The following FAM222B variants were observed in gnomAD, a reference collection of about 807,000 sequenced individuals.
The protein encoded by FAM222B is family with sequence similarity 222 member B.
Under a neutral mutation model 38.0 loss-of-function variants are expected in FAM222B, and 12 were observed. That is an observed-to-expected ratio of 0.32 (90% CI 0.20 to 0.51). The LOEUF is 0.51. Ranked by LOEUF, FAM222B falls within the 20% of genes least tolerant of loss-of-function variation. The pLI is 0.97. For missense variants in FAM222B, 716 were observed against 754.2 expected (o/e 0.95, Z 0.59); for synonymous variants, 329 against 317.2 (o/e 1.04, Z -0.40).
intron 1 of FAM222B, among the ~76,000 whole-genome samples, chr17:28,801,451 C>CAAAAA (rs766189732): frequency 5.1e-4 from 45 of 88,660 alleles, no homozygotes; most frequent in East Asian, 1.1e-3. Context: ...GACTCCGTCT[C>CAAAAA]AAAAAAAAAA....
rs562206636 is a variant in FAM222B at position 28,772,091 on chromosome 17, G to GA, written c.-40-5385dup. Among the ~76,000 whole-genome samples the GA allele has an allele frequency of 1.7e-4, 26 of 152,052 alleles. 1 individual carries two copies. In the South Asian group the frequency reaches 3.3e-3, roughly 19 times the overall value. ...ATAATAATAATTTTAAAATAAGGGG[G>GA]AAAAAATCACTGATAAACCAAAAAC... On this transcript the variant is annotated intron_variant, in intron 1 of 2. Coordinates refer to ENST00000581407, the MANE Select transcript of FAM222B (RefSeq NM_001077498.3).
At chr17:28,783,209 A>G (rs1278824347) in intron 1 of FAM222B, among the ~76,000 whole-genome samples, 1 of 151,968 alleles carries the variant, frequency 6.6e-6, no homozygotes, top group African/African-American at 2.4e-5. Flanking sequence ...AGTTTCTCCT[A>G]ATTTGGATTA....
intron 1 of FAM222B, among the ~76,000 whole-genome samples, chr17:28,793,786 C>T (rs952304226): frequency 2.0e-4 from 30 of 147,638 alleles, no homozygotes; most frequent in African/African-American, 7.6e-4. Flanking sequence ...ACTCTTGTTG[C>T]CCAGGCTGGA....
chr17:28,762,883 A>G (rs531801978), intron 2 of FAM222B, among the ~76,000 whole-genome samples: 7 of 151,748 alleles, frequency 4.6e-5, no homozygotes, highest in African/African-American at 1.7e-4. Context: ...GGTTGCAGTG[A>G]GCCAAGATCG....
At chr17:28,767,062 G>GT (rs34105848) in intron 1 of FAM222B, 31,868 of 169,744 alleles carry the variant, frequency 0.19, 3,241 homozygotes, top group South Asian at 0.29. Context: ...TATAGGCCTG[G>GT]TTGGAGACCA....
chr17:28,850,670 TTTTGTTCTG>T (rs762542022), intron 1 of FAM222B, among the ~76,000 whole-genome samples: 1 of 152,080 alleles, frequency 6.6e-6, no homozygotes, highest in Non-Finnish European at 1.5e-5. Context: ...TCTCGGGTAT[TTTTGTTCTG>T]TTTGTTCTGT....
intron 1 of FAM222B, among the ~76,000 whole-genome samples, chr17:28,810,281 C>T (rs1169287887): frequency 2.6e-5 from 4 of 152,140 alleles, no homozygotes; most frequent in African/African-American, 9.7e-5. Context: ...CAAGCCATTG[C>T]ACCCCGCCTT....
At chr17:28,834,822 A>G (rs2038782221) in intron 1 of FAM222B, 1 of 150,856 alleles carries the variant, frequency 6.6e-6, no homozygotes, top group Admixed American at 6.7e-5. Flanking sequence ...GCTAGCCTTA[A>G]AAAAAAAGAA....
intron 1 of FAM222B, among the ~76,000 whole-genome samples, chr17:28,851,533 CAAACA>C (rs2039180995): frequency 6.6e-6 from 1 of 150,612 alleles, no homozygotes. Context: ...AACAAACAAA[CAAACA>C]AAAGACCAAC....
intron 1 of FAM222B, among the ~76,000 whole-genome samples, chr17:28,800,318 C>T (rs751777271): frequency 6.6e-6 from 1 of 152,190 alleles, no homozygotes; most frequent in African/African-American, 2.4e-5. Flanking sequence ...CGTGAGCCAC[C>T]GCACCCGGCC....
At chr17:28,786,986 G>A (rs2036445115) in intron 1 of FAM222B, among the ~76,000 whole-genome samples, 1 of 146,776 alleles carries the variant, frequency 6.8e-6, no homozygotes, top group African/African-American at 2.5e-5. Flanking sequence ...GTGCAGTGGT[G>A]CGATCTCCGC....
At chr17:28,817,789 G>A (rs969642013) in intron 1 of FAM222B, among the ~76,000 whole-genome samples, 3 of 152,070 alleles carry the variant, frequency 2.0e-5, no homozygotes, top group Non-Finnish European at 4.4e-5. Context: ...ATGACTTTGG[G>A]AGACTATGGA....
At chr17:28,797,963 G>A (rs2037022153) in intron 1 of FAM222B, among the ~76,000 whole-genome samples, 1 of 152,038 alleles carries the variant, frequency 6.6e-6, no homozygotes, top group Non-Finnish European at 1.5e-5. Flanking sequence ...AGGCTGAGAT[G>A]GGAGGATCAC....
At chr17:28,796,854 T>C (rs1304462580) in intron 1 of FAM222B, among the ~76,000 whole-genome samples, 1 of 152,184 alleles carries the variant, frequency 6.6e-6, no homozygotes, top group Non-Finnish European at 1.5e-5. Context: ...TATTTGCTAA[T>C]GTCAGACTTC....
chr17:28,793,822 T>C (rs1457349458), intron 1 of FAM222B, among the ~76,000 whole-genome samples: 1 of 150,484 alleles, frequency 6.6e-6, no homozygotes, highest in Non-Finnish European at 1.5e-5. Context: ...ACGGGCTCAC[T>C]GCAACCTCCA....
intron 1 of FAM222B, among the ~76,000 whole-genome samples, chr17:28,778,093 T>C (rs2035977490): frequency 3.3e-5 from 5 of 151,950 alleles, no homozygotes; most frequent in Admixed American, 3.3e-4. Context: ...TTTTGCTTTT[T>C]TATTTTACTG....
intron 1 of FAM222B, among the ~76,000 whole-genome samples, chr17:28,796,134 C>T (rs2036928995): frequency 6.6e-6 from 1 of 152,186 alleles, no homozygotes; most frequent in South Asian, 2.1e-4. Flanking sequence ...CCATCAAGTT[C>T]ATACTTCAGT....
intron 1 of FAM222B, among the ~76,000 whole-genome samples, chr17:28,838,229 G>A (rs988627291): frequency 6.6e-6 from 1 of 152,090 alleles, no homozygotes. Context: ...GTTGCGCTGA[G>A]CCAAGATGGC....
chr17:28,828,225 C>T (rs533578899), intron 1 of FAM222B, among the ~76,000 whole-genome samples: 6 of 149,478 alleles, frequency 4.0e-5, no homozygotes, highest in South Asian at 2.1e-4. Flanking sequence ...ATTCTCCTGC[C>T]GCAGCCTCCT....
Sources: gnomAD v4.1 joint callset for allele counts (sites outside exome capture counted in the v4.1 genomes callset) on GRCh38, gnomAD v4.1.1 for gene constraint, MANE v1.5 for transcripts, NCBI Gene and HGNC (gene_info 2026-07-23, HGNC 2026-07-21) for gene names.